TENM2: variants seen among roughly 807,000 people sequenced by gnomAD.
The protein encoded by TENM2 is teneurin-2.
A neutral mutation model predicts 245.2 loss-of-function variants in TENM2; 52 were observed. That is an observed-to-expected ratio of 0.21 (90% CI 0.17 to 0.27). TENM2 has a LOEUF of 0.27. Ranked by LOEUF, TENM2 falls within the 10% of genes least tolerant of loss-of-function variation. The probability of loss-of-function intolerance (pLI) is 1.00; values close to 1 mark genes in which losing one functional copy is unlikely to be tolerated. For synonymous variants in TENM2, 1,363 were observed against 1,438.9 expected (o/e 0.95, Z 1.19); for missense variants, 3,046 against 3,666.8 (o/e 0.83, Z 4.37).
chr5:167,120,463 G>C, the TENM2 span, among the ~76,000 whole-genome samples: 1 of 152,162 alleles, frequency 6.6e-6, no homozygotes, highest in African/African-American at 2.4e-5. Context: ...GAAGCTTGCT[G>C]TTCCTCAAAA....
At chr5:167,621,565 A>T (rs890380419) in intron 2 of TENM2, among the ~76,000 whole-genome samples, 1 of 152,144 alleles carries the variant, frequency 6.6e-6, no homozygotes, top group African/African-American at 2.4e-5. Flanking sequence ...TTCTAAGGGG[A>T]TAAGAACTTC....
intron 2 of TENM2, among the ~76,000 whole-genome samples, chr5:167,438,272 T>G (rs1158557588): frequency 6.6e-6 from 1 of 152,226 alleles, no homozygotes; most frequent in Non-Finnish European, 1.5e-5. Context: ...GTTTTCTTCC[T>G]CTTTATGGAA....
intron 2 of TENM2, among the ~76,000 whole-genome samples, chr5:167,779,987 A>C (rs1035723701): frequency 2.6e-5 from 4 of 152,218 alleles, no homozygotes; most frequent in Admixed American, 2.0e-4. Context: ...CAGTTGCCTC[A>C]TGGCAAATCT....
chr5:167,241,527 A>T, the TENM2 span, among the ~76,000 whole-genome samples: 2 of 152,206 alleles, frequency 1.3e-5, no homozygotes, highest in Non-Finnish European at 2.9e-5. Context: ...AACATTGCAC[A>T]CTGAGAATCA....
intron 4 of TENM2, among the ~76,000 whole-genome samples, chr5:167,989,242 G>GTAGA (rs150427488): frequency 6.7e-6 from 1 of 149,434 alleles, no homozygotes; most frequent in Non-Finnish European, 1.5e-5. Context: ...TAAATAGAAT[G>GTAGA]TAGATAGATA....
intron 4 of TENM2, among the ~76,000 whole-genome samples, chr5:167,967,365 AAAAT>A (rs780403420): frequency 8.5e-5 from 13 of 152,240 alleles, no homozygotes; most frequent in South Asian, 4.1e-4. Context: ...CATTAATAAG[AAAAT>A]AAATAAAGTG....
chr5:167,137,030 G>C, the TENM2 span, among the ~76,000 whole-genome samples: 1 of 152,194 alleles, frequency 6.6e-6, no homozygotes, highest in African/African-American at 2.4e-5. Context: ...TTCCTGGCTT[G>C]AAGTTGGCTG....
chr5:167,560,968 G>A (rs1773550472), intron 2 of TENM2, among the ~76,000 whole-genome samples: 1 of 152,112 alleles, frequency 6.6e-6, no homozygotes, highest in African/African-American at 2.4e-5. Context: ...CTAACAGCCC[G>A]TGATGCACAG....
chr5:167,968,760 G>A (rs1392552882), intron 4 of TENM2, among the ~76,000 whole-genome samples: 1 of 152,110 alleles, frequency 6.6e-6, no homozygotes, highest in Non-Finnish European at 1.5e-5. Context: ...GACATGTAAT[G>A]AGAAGGCACA....
intron 2 of TENM2, among the ~76,000 whole-genome samples, chr5:167,726,021 A>T (rs1759978615): frequency 6.6e-6 from 1 of 152,132 alleles, no homozygotes; most frequent in Non-Finnish European, 1.5e-5. Context: ...CAGAATTATC[A>T]CACCCCATTG....
intron 3 of TENM2, among the ~76,000 whole-genome samples, chr5:167,883,362 A>G (rs1371040179): frequency 6.6e-6 from 1 of 152,206 alleles, no homozygotes; most frequent in African/African-American, 2.4e-5. Flanking sequence ...GAAACAGACA[A>G]ATACTGCACA....
intron 2 of TENM2, among the ~76,000 whole-genome samples, chr5:167,801,589 T>G (rs1273800775): frequency 1.3e-5 from 2 of 152,082 alleles, no homozygotes; most frequent in East Asian, 3.9e-4. Context: ...AGAGTTGGAA[T>G]TGAATTGAAT....
intron 2 of TENM2, among the ~76,000 whole-genome samples, chr5:167,448,822 GT>G (rs1765383816): frequency 6.6e-6 from 1 of 151,862 alleles, no homozygotes; most frequent in Admixed American, 6.6e-5. Flanking sequence ...AGTTTCCATG[GT>G]GGCTGAAGGA....
At chr5:167,649,203 C>G (rs1424026695) in intron 2 of TENM2, among the ~76,000 whole-genome samples, 1 of 152,192 alleles carries the variant, frequency 6.6e-6, no homozygotes, top group Non-Finnish European at 1.5e-5. Flanking sequence ...GCTACCATCT[C>G]TTGCAACACA....
rs144045349 is a variant in TENM2 at position 168,019,155 on chromosome 5, A to G, written c.1186+25973A>G. On this transcript the variant is annotated intron_variant, in intron 5 of 28. Transcript: ENST00000518659. Reference sequence around the variant, plus strand: ...AATCATGGTGAGTAGAATGCCACGTATCATTAACACTGGAGCAAAAAGTAT... The same window carrying G: ...AATCATGGTGAGTAGAATGCCACGTGTCATTAACACTGGAGCAAAAAGTAT... Among the ~76,000 whole-genome samples, 10 of 152,330 alleles carry G rather than the reference A, an allele frequency of 6.6e-5. No homozygotes were observed. The East Asian group carries it at 1.9e-3, about 29-fold the overall frequency.
At chr5:167,554,194 A>G (rs373247970) in intron 2 of TENM2, among the ~76,000 whole-genome samples, 2 of 152,332 alleles carry the variant, frequency 1.3e-5, no homozygotes, top group East Asian at 1.9e-4. Context: ...TCTAGACTCT[A>G]AAATAGGAGT....
At chr5:167,062,058 C>T in the TENM2 span, among the ~76,000 whole-genome samples, 4 of 152,016 alleles carry the variant, frequency 2.6e-5, no homozygotes, top group Admixed American at 2.0e-4. Flanking sequence ...CTTCATGGCA[C>T]TTAGTAATTT....
chr5:168,080,644 T>C (rs1460308673), intron 7 of TENM2, among the ~76,000 whole-genome samples: 2 of 152,212 alleles, frequency 1.3e-5, no homozygotes, highest in Non-Finnish European at 2.9e-5. Flanking sequence ...TTGTTCTCGT[T>C]GGTTTCAAAG....
chr5:167,501,702 T>G (rs1273778669), intron 2 of TENM2, among the ~76,000 whole-genome samples: 1 of 152,166 alleles, frequency 6.6e-6, no homozygotes, highest in Non-Finnish European at 1.5e-5. Flanking sequence ...GTGTGAGGAC[T>G]TGTTACCTCA....
Sources: allele counts gnomAD v4.1 joint callset (sites outside exome capture counted in the v4.1 genomes callset), GRCh38; gene constraint gnomAD v4.1.1; transcripts MANE v1.5; gene names NCBI Gene and HGNC (gene_info 2026-07-23, HGNC 2026-07-21).